Variants in CFAP43 observed in about 807,000 individuals in gnomAD.
The protein encoded by CFAP43 is cilia- and flagella-associated protein 43.
Under a neutral mutation model 218.9 loss-of-function variants are expected in CFAP43, and 155 were observed. That is an observed-to-expected ratio of 0.71 (90% CI 0.62 to 0.81). The LOEUF (loss-of-function observed/expected upper bound fraction) is 0.81. Ranked by LOEUF, CFAP43 falls within the 30% of genes least tolerant of loss-of-function variation. CFAP43 has a pLI of 0.00. For synonymous variants in CFAP43, 645 were observed against 681.3 expected (o/e 0.95, Z 0.83); for missense variants, 1,778 against 1,954.3 (o/e 0.91, Z 1.70).
intron 19 of CFAP43, among the ~76,000 whole-genome samples, chr10:104,176,706 C>T (rs1287591619): frequency 6.6e-6 from 1 of 152,152 alleles, no homozygotes. Context: ...AGGCAATCTT[C>T]GAAGCCCTGA....
chr10:104,215,506 G>A (rs903840873), intron 3 of CFAP43, among the ~76,000 whole-genome samples: 9 of 152,256 alleles, frequency 5.9e-5, no homozygotes, highest in African/African-American at 1.9e-4. Flanking sequence ...ACCTGGCAAA[G>A]ACCGTCATCC....
At chr10:104,177,235 T>TA (rs968487334) in intron 19 of CFAP43, among the ~76,000 whole-genome samples, 11 of 147,098 alleles carry the variant, frequency 7.5e-5, no homozygotes, top group African/African-American at 1.5e-4. Flanking sequence ...GAGAGAAACT[T>TA]AAAAAAAAAA....
At chr10:104,221,195 G>A (rs2091170302) in intron 3 of CFAP43, among the ~76,000 whole-genome samples, 1 of 152,096 alleles carries the variant, frequency 6.6e-6, no homozygotes, top group South Asian at 2.1e-4. Context: ...GGCTGGTCTC[G>A]AACTCCTGAC....
chr10:104,200,670 CAAAAAAAAAAA>C (rs71022722), intron 8 of CFAP43, among the ~76,000 whole-genome samples: 4 of 22,654 alleles, frequency 1.8e-4, no homozygotes, highest in Non-Finnish European at 3.0e-4. Flanking sequence ...GACTCTGTCT[CAAAAAAAAAAA>C]AAAAAAAAAA....
At position 104,131,927 on chromosome 10, in the gene CFAP43, G is replaced by T. The variant is rs139385389; in HGVS notation, c.4677+189C>A. Among the ~76,000 whole-genome samples the T allele has an allele frequency of 1.3e-3, 191 of 152,266 alleles. 1 individual carries two copies. Among genetic ancestry groups the T allele is most frequent in the African/African-American group, 4.5e-3 (187 of 41,552 alleles). On this transcript the variant is annotated intron_variant, in intron 36 of 37. Coordinates refer to ENST00000357060, the MANE Select transcript of CFAP43 (RefSeq NM_025145.7). ...GGGGTTAATTCTAATATTAAAGGAA[G>T]TGCTTAATTTTATTTCATTAGTTGC...
At chr10:104,173,048 T>C (rs1370429693) in intron 19 of CFAP43, among the ~76,000 whole-genome samples, 1 of 152,102 alleles carries the variant, frequency 6.6e-6, no homozygotes, top group Admixed American at 6.6e-5. Flanking sequence ...AGTTCATAAC[T>C]TAAAAAAATT....
At chr10:104,207,634 T>A (rs547095776) in intron 6 of CFAP43, 31 bp downstream of exon 6, 1 of 1,594,088 alleles carries the variant, frequency 6.3e-7, no homozygotes, top group Non-Finnish European at 8.5e-7. Context: ...CCCATGGCTA[T>A]ACAGGAATAT....
Position 104,156,120 on chromosome 10 carries a change from G to C in CFAP43, c.3541-3394C>G, listed in dbSNP as rs547771580. ...GCAACTCGAAAGAGGAAAGTGCCCT[G>C]TGGAGACTTGGGAGTAAAGGGAAAG... On this transcript the variant is annotated intron_variant, in intron 27 of 37. Transcript: ENST00000357060. Among the ~76,000 whole-genome samples, 119 of 152,120 alleles carry C rather than the reference G, an allele frequency of 7.8e-4. 2 individuals carry two copies. The highest frequency in any genetic ancestry group is 1.8e-4 in the Non-Finnish European group (12 of 68,024).
intron 1 of CFAP43, 36 bp from the exon 2 acceptor site, chr10:104,230,879 A>C (rs964716736): frequency 6.5e-7 from 1 of 1,530,606 alleles, no homozygotes; most frequent in South Asian, 1.3e-5. Flanking sequence ...AATATAATAC[A>C]TTTCAAATAC....
intron 27 of CFAP43, among the ~76,000 whole-genome samples, chr10:104,153,219 T>A (rs2088364679): frequency 6.6e-6 from 1 of 152,198 alleles, no homozygotes; most frequent in African/African-American, 2.4e-5. Context: ...CTCCAAACAG[T>A]TCTATATCAA....
At chr10:104,148,706 G>A (rs955642579) in intron 28 of CFAP43, among the ~76,000 whole-genome samples, 9 of 152,184 alleles carry the variant, frequency 5.9e-5, no homozygotes, top group African/African-American at 2.2e-4. Flanking sequence ...AAATGGAAGC[G>A]GCCTGAGGCC....
At chr10:104,136,440 G>A (rs987601106) in intron 34 of CFAP43, among the ~76,000 whole-genome samples, 2 of 151,212 alleles carry the variant, frequency 1.3e-5, no homozygotes, top group South Asian at 2.1e-4. Flanking sequence ...GCGCCATCTC[G>A]CCTCACTGCA....
At chr10:104,186,210 T>C in intron 14 of CFAP43, 87 bp from the exon 15 acceptor site, 2 of 1,104,472 alleles carry the variant, frequency 1.8e-6, no homozygotes, top group East Asian at 2.8e-5. Context: ...CTGTTGTATA[T>C]TGTCATTGTA....
chr10:104,207,171 TA>T (rs35723963), intron 6 of CFAP43, among the ~76,000 whole-genome samples: 2 of 150,458 alleles, frequency 1.3e-5, no homozygotes, highest in Admixed American at 1.3e-4. Flanking sequence ...AGACTCTGTC[TA>T]AAAAAAAACC....
At chr10:104,190,691 A>T (rs2090182108) in intron 12 of CFAP43, among the ~76,000 whole-genome samples, 1 of 152,230 alleles carries the variant, frequency 6.6e-6, no homozygotes, top group South Asian at 2.1e-4. Context: ...TTCAGGCTAG[A>T]AATTTTGGAG....
At chr10:104,162,203 T>G in intron 25 of CFAP43, 114 bp downstream of exon 25, 1 of 1,239,548 alleles carries the variant, frequency 8.1e-7, no homozygotes, top group Non-Finnish European at 1.2e-6. Flanking sequence ...CCAACTGAGA[T>G]TCAAGTGACC....
At chr10:104,229,602 T>G (rs1322217588) in intron 2 of CFAP43, among the ~76,000 whole-genome samples, 3 of 151,860 alleles carry the variant, frequency 2.0e-5, no homozygotes, top group Admixed American at 6.6e-5. Context: ...AGGTGGAGGC[T>G]GCAGTGAGCC....
intron 20 of CFAP43, among the ~76,000 whole-genome samples, chr10:104,169,137 G>A (rs1425072306): frequency 6.6e-6 from 1 of 152,206 alleles, no homozygotes; most frequent in Non-Finnish European, 1.5e-5. Context: ...GTGAAGTGGG[G>A]TGTGAGGATG....
intron 2 of CFAP43, among the ~76,000 whole-genome samples, chr10:104,229,860 C>T (rs1589828118): frequency 6.6e-6 from 1 of 152,094 alleles, no homozygotes; most frequent in East Asian, 1.9e-4. Context: ...GCTATACAAA[C>T]ATCAATTCAC....
Sources: gnomAD v4.1 joint callset for allele counts (sites outside exome capture counted in the v4.1 genomes callset) on GRCh38, gnomAD v4.1.1 for gene constraint, MANE v1.5 for transcripts, NCBI Gene and HGNC (gene_info 2026-07-23, HGNC 2026-07-21) for gene names.